C2CD3: variants seen among roughly 807,000 people sequenced by gnomAD.
The protein encoded by C2CD3 is C2 domain-containing protein 3.
C2CD3 carries 148 observed loss-of-function variants against 234.0 expected under a neutral mutation model. The observed-to-expected ratio is 0.63, with a 90% confidence interval of 0.55 to 0.72. The LOEUF is 0.72. Ranked by LOEUF, C2CD3 falls within the 30% of genes least tolerant of loss-of-function variation. The pLI is 0.00. For synonymous variants in C2CD3, 1,000 were observed against 1,035.4 expected, an observed-to-expected ratio of 0.97 and a Z score of 0.66; for missense variants, 2,577 against 2,811.5, an observed-to-expected ratio of 0.92 and a Z score of 1.89.
At chr11:74,119,492 C>A (rs1384770566) in intron 8 of C2CD3, among the ~76,000 whole-genome samples, 1 of 152,050 alleles carries the variant, frequency 6.6e-6, no homozygotes, top group Non-Finnish European at 1.5e-5. Flanking sequence ...AAATTCAGGA[C>A]ACAAACCCAA....
At chr11:74,168,636 T>C in intron 1 of C2CD3, 23 bp from the exon 2 acceptor site, 1 of 1,595,754 alleles carries the variant, frequency 6.3e-7, no homozygotes, top group Non-Finnish European at 8.5e-7. Context: ...CCAAGAAAAC[T>C]GAGTCAAAAT....
rs193106062 is a variant in C2CD3, at chr11:74,084,571, T to A, written c.4000+310A>T. Among the ~76,000 whole-genome samples, 61 of 152,012 alleles carry A rather than the reference T, an allele frequency of 4.0e-4. 1 individual carries two copies. Among genetic ancestry groups the A allele is most frequent in the Non-Finnish European group, 8.8e-5 (6 of 67,984 alleles). ...GATTACAGGCGTGAGCCACCATGCG[T>A]GGTCTGTGTTTATCCTTTCTTCAGG... is the stretch of plus-strand genomic sequence containing the variant. On this transcript the variant is annotated intron_variant, in intron 22 of 32. Transcript: ENST00000334126.
chr11:74,036,240 C>G lies in C2CD3; in HGVS notation c.5881+1238G>C, dbSNP rs111645557. The G allele has an allele frequency of 4.1e-3, 1,361 of 329,870 alleles. 8 individuals are homozygous for G. Among genetic ancestry groups the G allele is most frequent in the Non-Finnish European group, 6.7e-3 (1,116 of 165,530 alleles). The allele number at this position is 329,870 out of a possible 1,614,324, so 20.4% of individuals were successfully genotyped here. A position where few individuals can be genotyped will look rare whatever the true frequency, so the allele number is the denominator to read the frequency against. On this transcript the variant is annotated intron_variant, in intron 30 of 32. Coordinates refer to ENST00000334126, the MANE Select transcript of C2CD3 (RefSeq NM_001286577.2). ...TGTTTCCACCTCTACTCCAAACAAG[C>G]CTTCATCTGTTTTGCTGTCATACTT... is the stretch of plus-strand genomic sequence containing the variant.
chr11:74,131,317 G>A (rs1173146414), intron 7 of C2CD3, among the ~76,000 whole-genome samples: 2 of 146,764 alleles, frequency 1.4e-5, no homozygotes, highest in Non-Finnish European at 3.0e-5. Flanking sequence ...AGTGAGACTC[G>A]GTCTCAAAAA....
Position 74,090,857 on chromosome 11 carries a change from G to A in C2CD3, c.3597C>T (p.Ile1199=). 6.2e-7 allele frequency: 1 copy of A among 1,614,114 alleles called. No homozygotes were observed. Among genetic ancestry groups the A allele is most frequent in the African/African-American group, 1.3e-5 (1 of 75,032 alleles). ...CACAGGCTCTGATAATCTGGACTGA[G>A]ATGGAAACAGTTCGGGCAGCAAGAA... ...EGVLAARTVS[I]SVQIIRACGL... is the part of the protein sequence containing the mutation. Residue 1199 remains isoleucine (I), a synonymous_variant, in exon 20 of 33, where the codon ATC becomes ATT. Coordinates refer to ENST00000334126, the MANE Select transcript of C2CD3 (RefSeq NM_001286577.2).
rs751708926 is a variant in C2CD3 at position 74,085,807 on chromosome 11, A to C, written c.3721T>G (p.Phe1241Val). 3.7e-6 allele frequency: 6 copies of C among 1,614,040 alleles called. No individual in the cohort carries two copies. The highest frequency in any genetic ancestry group is 5.1e-6 in the Non-Finnish European group (6 of 1,180,030). ...CGGCGCTGTTCTCCCTGGGGCAGGAAGGAGAGATGAGTGGTGACAGAGGCA... is the reference window on the plus strand; with the variant it reads ...CGGCGCTGTTCTCCCTGGGGCAGGACGGAGAGATGAGTGGTGACAGAGGCA... ...VNASVTTHLSFLPQGEQRRTH... is the reference protein window; with the variant it reads ...VNASVTTHLSVLPQGEQRRTH... The change falls in exon 21 of 33, where the codon TTC (phenylalanine) becomes GTC (valine). Residue 1241 changes from phenylalanine (F) to valine (V), a missense_variant. Phe to Val is a conservative substitution (Grantham distance 50). Transcript: ENST00000334126.
chr11:74,113,562 C>A, intron 11 of C2CD3: 1 of 513,698 alleles, frequency 1.9e-6, no homozygotes, highest in Non-Finnish European at 3.5e-6. Flanking sequence ...CGCCTGTAAT[C>A]CCAGCTACTC....
At chr11:74,091,058 G>A (rs1955873514) in intron 19 of C2CD3, 122 bp from the exon 20 acceptor site, 3 of 895,450 alleles carry the variant, frequency 3.4e-6, no homozygotes, top group East Asian at 2.7e-5. Context: ...TAAGGGCAAT[G>A]AGAGAATCTG....
chr11:74,150,511 AAAAACAAAAAAAAAAC>A (rs1294652702), intron 3 of C2CD3, among the ~76,000 whole-genome samples: 3,757 of 71,916 alleles, frequency 0.052, 150 homozygotes, highest in African/African-American at 0.1. Flanking sequence ...AAAAAAAAAA[AAAAACAAAAAAAAAAC>A]AAAACAAATT....
rs1267594505 is a variant in C2CD3 at position 74,090,868 on chromosome 11, T to C, written c.3586A>G (p.Thr1196Ala). The change falls in exon 20 of 33, where the codon ACT becomes GCT. Residue 1196 changes from threonine (T) to alanine (A), a missense_variant. Coordinates refer to ENST00000334126, the MANE Select transcript of C2CD3 (RefSeq NM_001286577.2). ...ATAATCTGGACTGAGATGGAAACAG[T>C]TCGGGCAGCAAGAACTCCCTCTGCT... The part of the protein sequence containing the change: ...RTAEGVLAAR[T>A]VSISVQIIRA... The C allele has an allele frequency of 1.2e-6, 2 of 1,614,114 alleles. No individual in the cohort carries two copies. The highest frequency in any genetic ancestry group is 2.7e-5 in the African/African-American group (2 of 75,036).
At chr11:74,060,569 A>T (rs1475940652) in intron 24 of C2CD3, among the ~76,000 whole-genome samples, 1 of 152,252 alleles carries the variant, frequency 6.6e-6, no homozygotes, top group East Asian at 1.9e-4. Flanking sequence ...GAAAGTTAGA[A>T]GGAAAACTAA....
At chr11:74,101,484 A>G (rs1422477084) in intron 14 of C2CD3, among the ~76,000 whole-genome samples, 1 of 152,200 alleles carries the variant, frequency 6.6e-6, no homozygotes, top group Non-Finnish European at 1.5e-5. Flanking sequence ...GTATCCACCT[A>G]AGAAACACAA....
At chr11:74,018,266 G>A (rs1488316967) in intron 32 of C2CD3, among the ~76,000 whole-genome samples, 1 of 152,170 alleles carries the variant, frequency 6.6e-6, no homozygotes, top group Non-Finnish European at 1.5e-5. Flanking sequence ...GCAAAATGAA[G>A]CCTTGCTGTT....
chr11:74,057,419 GA>G lies in C2CD3; in HGVS notation c.5076del (p.Gln1693AsnfsTer31). 1 of 1,614,158 alleles carries G rather than the reference GA, an allele frequency of 6.2e-7. No individual in the cohort carries two copies. Among genetic ancestry groups the G allele is most frequent in the African/African-American group, 1.3e-5 (1 of 75,060 alleles). On this transcript the variant is annotated frameshift_variant, in exon 25 of 33. Coordinates refer to ENST00000334126, the MANE Select transcript of C2CD3 (RefSeq NM_001286577.2). LOFTEE classifies it high-confidence loss of function. ...VENTDSPIWN[F>X]QQQSRLSKEL... ...GATAACACAAACCTTGACTGCTGTT[GA>G]AAATTCCAGATGGGGGAATCTGTGT...
intron 24 of C2CD3, among the ~76,000 whole-genome samples, chr11:74,066,148 G>A (rs949307287): frequency 6.7e-6 from 1 of 150,230 alleles, no homozygotes; most frequent in Admixed American, 6.7e-5. Context: ...TCCTTTGTAG[G>A]TACATGGATG....
At chr11:74,167,139 C>A (rs911370304) in intron 2 of C2CD3, among the ~76,000 whole-genome samples, 6 of 152,158 alleles carry the variant, frequency 3.9e-5, no homozygotes, top group Non-Finnish European at 7.3e-5. Flanking sequence ...GTTGGTAACA[C>A]CAATGTAAAT....
chr11:74,117,878 A>C (rs1184861414), intron 9 of C2CD3, among the ~76,000 whole-genome samples: 8 of 149,900 alleles, frequency 5.3e-5, no homozygotes, highest in Non-Finnish European at 1.2e-4. Flanking sequence ...GTGCCATTGC[A>C]CTCCAGTCTG....
intron 31 of C2CD3, among the ~76,000 whole-genome samples, chr11:74,030,853 C>A (rs1400147615): frequency 6.6e-6 from 1 of 152,218 alleles, no homozygotes; most frequent in Non-Finnish European, 1.5e-5. Context: ...TAAATGATAT[C>A]ACCTGCCGGG....
chr11:74,100,472 C>A, intron 15 of C2CD3, 53 bp downstream of exon 15: 1 of 1,478,846 alleles, frequency 6.8e-7, no homozygotes, highest in South Asian at 1.3e-5. Context: ...CCTTTTCAGT[C>A]CATGCAAAGT....
Sources: allele counts gnomAD v4.1 joint callset (sites outside exome capture counted in the v4.1 genomes callset), GRCh38; gene constraint gnomAD v4.1.1; transcripts MANE v1.5; gene names NCBI Gene and HGNC (gene_info 2026-07-23, HGNC 2026-07-21).